The following DNAH12 variants were observed in gnomAD, a reference collection of about 807,000 sequenced individuals.
The protein encoded by DNAH12 is axonemal beta dynein heavy chain 12.
A neutral mutation model predicts 371.5 loss-of-function variants in DNAH12; 285 were observed. That is an observed-to-expected ratio of 0.77 (90% CI 0.70 to 0.85). The LOEUF (loss-of-function observed/expected upper bound fraction) is 0.85. Ranked by LOEUF, DNAH12 falls within the 40% of genes least tolerant of loss-of-function variation. The pLI, the probability that DNAH12 is intolerant of heterozygous loss-of-function variation, is 0.00. For synonymous variants in DNAH12, 1,200 were observed against 1,213.0 expected, an observed-to-expected ratio of 0.99 and a Z score of 0.22; for missense variants, 3,611 against 3,689.4, an observed-to-expected ratio of 0.98 and a Z score of 0.55.
At chr3:57,455,095 A>G (rs2065865574) in intron 22 of DNAH12, among the ~76,000 whole-genome samples, 1 of 152,168 alleles carries the variant, frequency 6.6e-6, no homozygotes, top group South Asian at 2.1e-4. Flanking sequence ...TTTATAAAAG[A>G]ATGGAAAGAT....
chr3:57,330,754 TGAGG>T (rs2062077322), intron 62 of DNAH12, among the ~76,000 whole-genome samples: 1 of 150,610 alleles, frequency 6.6e-6, no homozygotes, highest in African/African-American at 2.4e-5. Context: ...TGATTTCCCC[TGAGG>T]AAGAGGACCT....
intron 73 of DNAH12, among the ~76,000 whole-genome samples, chr3:57,294,209 C>G (rs1197262124): frequency 2.1e-5 from 3 of 140,612 alleles, no homozygotes; most frequent in African/African-American, 8.0e-5. Flanking sequence ...CTGAGTCTCA[C>G]TCTGTCACCT....
intron 60 of DNAH12, among the ~76,000 whole-genome samples, chr3:57,344,994 A>G (rs2062503337): frequency 6.6e-6 from 1 of 151,650 alleles, no homozygotes; most frequent in African/African-American, 2.4e-5. Flanking sequence ...CTTAACTACT[A>G]GTAGTCTATT....
At chr3:57,341,680 C>G (rs9826832) in intron 60 of DNAH12, among the ~76,000 whole-genome samples, 4 of 151,726 alleles carry the variant, frequency 2.6e-5, no homozygotes, top group Admixed American at 6.6e-5. Flanking sequence ...TAAAATGACT[C>G]TACTACCCAA....
Position 57,504,001 on chromosome 3 carries a change from G to C in DNAH12, c.1086+15C>G. The C allele has an allele frequency of 6.2e-7, 1 of 1,601,154 alleles. No homozygotes were observed. On this transcript the variant is annotated intron_variant, in intron 9 of 73. Transcript: ENST00000495027. ...ATAATTTAAAATTCTTTCCCGATGG[G>C]TAAAGATGTAATACCTGCAGAGCTT...
At chr3:57,401,645 A>G (rs564367717) in intron 43 of DNAH12, among the ~76,000 whole-genome samples, 1 of 151,844 alleles carries the variant, frequency 6.6e-6, no homozygotes, top group Non-Finnish European at 1.5e-5. Flanking sequence ...AGGAACTAGA[A>G]AAAGAAGACT....
At chr3:57,514,995 C>T (rs527753837) in intron 4 of DNAH12, among the ~76,000 whole-genome samples, 2 of 152,004 alleles carry the variant, frequency 1.3e-5, no homozygotes, top group East Asian at 1.9e-4. Context: ...ATAAGTAAAC[C>T]TTGTGGCTAA....
chr3:57,296,971 G>A lies in DNAH12; in HGVS notation c.11408C>T (p.Ser3803Leu). Residue 3803 changes from serine to leucine, a missense_variant, in exon 71 of 74, where the codon TCA becomes TTA. Ser to Leu is a moderately radical substitution (Grantham distance 145). Around this residue, in one of 3 missense-constraint regions of DNAH12, gnomAD observed 2,266 missense variants for 2,236.9 expected, o/e 1.01. Coordinates refer to ENST00000495027, the MANE Select transcript of DNAH12 (RefSeq NM_001366028.2). ...RLNFLQDWYN[S>L]GKPCVFWLSG... ...CAGCCAAAACACACAAGGTTTTCCTGAATTATACCAGTCCTACAAAGGGAA... is the reference window on the plus strand; with the variant it reads ...CAGCCAAAACACACAAGGTTTTCCTAAATTATACCAGTCCTACAAAGGGAA... The A allele has an allele frequency of 6.4e-7, 1 of 1,551,608 alleles. No individual in the cohort carries two copies. Among genetic ancestry groups the A allele is most frequent in the Non-Finnish European group, 8.7e-7 (1 of 1,146,972 alleles).
Position 57,428,805 on chromosome 3 carries a change from C to T in DNAH12, c.5081G>A (p.Arg1694His), listed in dbSNP as rs1319418793. 10 of 1,532,894 alleles carry T rather than the reference C, an allele frequency of 6.5e-6. No individual in the cohort carries two copies. The highest frequency in any genetic ancestry group is 1.4e-5 in the African/African-American group (1 of 71,962). The allele number at this position is 1,532,894 out of a possible 1,614,324, so 95.0% of individuals were successfully genotyped here. A position where few individuals can be genotyped will look rare whatever the true frequency, so the allele number is the denominator to read the frequency against. Residue 1694 changes from arginine to histidine, a missense_variant, in exon 34 of 74, where the codon CGT becomes CAT. Transcript: ENST00000495027. ...AGGCTCCAAATAAATCATACCACAA[C>T]GACTTACAGTGGCAGGCTAGAGAAA... ...LSQASPATVS[R>H]CGMIYLEPSQ...
rs995261454 is a variant in DNAH12 at position 57,459,746 on chromosome 3, T to A, written c.2777A>T (p.Asp926Val). 1.3e-6 allele frequency: 2 copies of A among 1,529,952 alleles called. No individual in the cohort carries two copies. Among genetic ancestry groups the A allele is most frequent in the Middle Eastern group, 1.7e-4 (1 of 5,916 alleles). The allele number at this position is 1,529,952 out of a possible 1,614,324, so 94.8% of individuals were successfully genotyped here. ...TTGAGCTTGTACTTTTAACCATTCA[T>A]CAATTGTTTCTTGTATTCGAATCAA... ...DRLIRIQETI[D>V]EWLKVQAQWL... The change falls in exon 20 of 74, where the codon GAT (aspartate) becomes GTT (valine). Residue 926 changes from aspartate to valine, a missense_variant. Transcript: ENST00000495027.
At chr3:57,473,546 T>C (rs2066431630) in intron 13 of DNAH12, among the ~76,000 whole-genome samples, 3 of 151,924 alleles carry the variant, frequency 2.0e-5, no homozygotes, top group Non-Finnish European at 4.4e-5. Context: ...CAATAGATTA[T>C]CTGAGTAGAT....
intron 55 of DNAH12, among the ~76,000 whole-genome samples, chr3:57,373,961 G>A (rs1409916756): frequency 6.6e-6 from 1 of 152,102 alleles, no homozygotes; most frequent in Non-Finnish European, 1.5e-5. Context: ...AGAAAGATTT[G>A]CAAAGAATAT....
intron 5 of DNAH12, among the ~76,000 whole-genome samples, chr3:57,509,991 A>T (rs1005050946): frequency 6.6e-6 from 1 of 152,000 alleles, no homozygotes; most frequent in Non-Finnish European, 1.5e-5. Context: ...ACAAAAAATG[A>T]TAAATATGTG....
intron 40 of DNAH12, 74 bp from the exon 41 acceptor site, chr3:57,406,026 T>C: frequency 7.2e-7 from 1 of 1,392,426 alleles, no homozygotes; most frequent in Non-Finnish European, 9.6e-7. Flanking sequence ...AGTGGAATGT[T>C]ATACAAAATA....
intron 2 of DNAH12, among the ~76,000 whole-genome samples, chr3:57,537,841 C>A (rs143931315): frequency 0.013 from 1,957 of 152,108 alleles, 45 homozygotes; most frequent in African/African-American, 0.044. Context: ...TGCACTACCA[C>A]GCCCAGCTAA....
At chr3:57,477,432 C>T (rs933560345) in intron 13 of DNAH12, among the ~76,000 whole-genome samples, 4 of 152,248 alleles carry the variant, frequency 2.6e-5, no homozygotes, top group East Asian at 3.9e-4. Flanking sequence ...CCGGGAAGCT[C>T]GAACTGGGTG....
chr3:57,373,538 C>A (rs2063221376), intron 55 of DNAH12, among the ~76,000 whole-genome samples: 1 of 150,270 alleles, frequency 6.7e-6, no homozygotes, highest in South Asian at 2.1e-4. Context: ...ATTGACCAGG[C>A]TGGTCTTGAA....
intron 58 of DNAH12, among the ~76,000 whole-genome samples, chr3:57,359,099 T>TA (rs2062863037): frequency 6.6e-6 from 1 of 152,172 alleles, no homozygotes; most frequent in Non-Finnish European, 1.5e-5. Flanking sequence ...TTTTAAACAT[T>TA]AAATAATAAC....
At chr3:57,444,662 T>C in intron 29 of DNAH12, 35 bp downstream of exon 29, 9 of 1,544,034 alleles carry the variant, frequency 5.8e-6, no homozygotes, top group Non-Finnish European at 7.9e-6. Context: ...ATGAATTTAT[T>C]ATGCCGAATA....
Sources: gnomAD v4.1 joint callset for allele counts (sites outside exome capture counted in the v4.1 genomes callset) on GRCh38, gnomAD v4.1.1 for gene constraint, gnomAD v4.1.1 regional missense constraint, MANE v1.5 for transcripts, NCBI Gene and HGNC (gene_info 2026-07-23, HGNC 2026-07-21) for gene names.